Variants in XNDC1N observed in about 807,000 individuals in gnomAD.
XNDC1N encodes XRCC1 N-terminal domain containing 1, N-terminal like, also known as protein XNDC1N.
At chr11:71,895,505 T>C in the XNDC1N span, among the ~76,000 whole-genome samples, 1 of 144,632 alleles carries the variant, frequency 6.9e-6, no homozygotes, top group Middle Eastern at 3.5e-3. Flanking sequence ...TTTTGTATTG[T>C]TAATAGAGAC....
At chr11:71,879,704 C>A in the XNDC1N span, among the ~76,000 whole-genome samples, 4 of 152,006 alleles carry the variant, frequency 2.6e-5, no homozygotes, top group Non-Finnish European at 4.4e-5. Context: ...CACCCCTCAC[C>A]ATTATCTAAT....
chr11:71,899,541 T>A, the XNDC1N span, among the ~76,000 whole-genome samples: 8 of 152,310 alleles, frequency 5.3e-5, no homozygotes, highest in African/African-American at 1.9e-4. Flanking sequence ...CAAAAACATG[T>A]GTTGTATGAA....
At chr11:71,918,430 C>T in the XNDC1N span, among the ~76,000 whole-genome samples, 13 of 151,878 alleles carry the variant, frequency 8.6e-5, no homozygotes, top group South Asian at 2.1e-4. Context: ...TACAGGTGTG[C>T]GCCACCACAC....
the XNDC1N span, among the ~76,000 whole-genome samples, chr11:71,919,502 C>T: frequency 6.6e-6 from 1 of 152,028 alleles, no homozygotes; most frequent in East Asian, 1.9e-4. Context: ...AATTCTCTGC[C>T]TCAGCCTCCT....
the XNDC1N span, among the ~76,000 whole-genome samples, chr11:71,913,240 CAG>C: frequency 1.3e-5 from 2 of 152,020 alleles, no homozygotes; most frequent in East Asian, 3.9e-4. Context: ...AAGAGTATCA[CAG>C]GGGTGTGGAA....
At chr11:71,901,900 C>G in the XNDC1N span, among the ~76,000 whole-genome samples, 246 of 150,500 alleles carry the variant, frequency 1.6e-3, 1 homozygote, top group African/African-American at 5.8e-3. Context: ...AGATATATTC[C>G]TTAAGATTTT....
chr11:71,918,264 G>A, the XNDC1N span, among the ~76,000 whole-genome samples: 1 of 152,150 alleles, frequency 6.6e-6, no homozygotes, highest in South Asian at 2.1e-4. Context: ...ACAGGTGTAT[G>A]CAGGTTCTAT....
the XNDC1N span, among the ~76,000 whole-genome samples, chr11:71,927,077 C>G: frequency 2.6e-5 from 4 of 151,106 alleles, 1 homozygote; most frequent in Middle Eastern, 6.9e-3. Flanking sequence ...GGGACCCCAT[C>G]TCCACAAAAT....
At chr11:71,879,576 C>T in the XNDC1N span, among the ~76,000 whole-genome samples, 1 of 151,886 alleles carries the variant, frequency 6.6e-6, no homozygotes, top group Non-Finnish European at 1.5e-5. Flanking sequence ...ATAATTATGC[C>T]TTTCCCCCAT....
At chr11:71,874,711 G>A in the XNDC1N span, among the ~76,000 whole-genome samples, 1 of 152,068 alleles carries the variant, frequency 6.6e-6, no homozygotes, top group South Asian at 2.1e-4. Context: ...GCTATGAAGA[G>A]AATCTATCTA....
chr11:71,887,348 C>T, the XNDC1N span, among the ~76,000 whole-genome samples: 30 of 152,248 alleles, frequency 2.0e-4, no homozygotes, highest in East Asian at 4.6e-3. Flanking sequence ...TTGACCTTTT[C>T]GGGAAGGGAC....
At chr11:71,899,801 G>A in the XNDC1N span, among the ~76,000 whole-genome samples, 5 of 152,194 alleles carry the variant, frequency 3.3e-5, no homozygotes, top group African/African-American at 4.8e-5. Context: ...CCCGACACCC[G>A]TAAAGGGTCT....
chr11:71,916,272 CA>C, the XNDC1N span: 1 of 701,474 alleles, frequency 1.4e-6, no homozygotes, highest in Non-Finnish European at 2.6e-6. Flanking sequence ...AAAAGAGAAA[CA>C]AAATCAGGGG....
chr11:71,926,933 A>AAAATG, the XNDC1N span, among the ~76,000 whole-genome samples: 1 of 151,870 alleles, frequency 6.6e-6, no homozygotes, highest in Non-Finnish European at 1.5e-5. Flanking sequence ...AAAATAAAAT[A>AAAATG]AAATAAAATA....
the XNDC1N span, chr11:71,916,669 C>T: frequency 2.0e-4 from 35 of 176,630 alleles, no homozygotes; most frequent in African/African-American, 8.2e-4. Context: ...TACATGCTCA[C>T]GGTATCACAT....
At chr11:71,903,220 T>G in the XNDC1N span, 1 of 816,176 alleles carries the variant, frequency 1.2e-6, no homozygotes, top group Non-Finnish European at 2.2e-6. Flanking sequence ...CAGATGTCTC[T>G]ATATTCCTTC....
At chr11:71,865,776 T>C in the XNDC1N span, 1 of 412,124 alleles carries the variant, frequency 2.4e-6, no homozygotes, top group East Asian at 7.5e-5. Context: ...GAACAGTTTT[T>C]TTTTTTTGCT....
the XNDC1N span, among the ~76,000 whole-genome samples, chr11:71,890,664 A>C: frequency 6.6e-6 from 1 of 152,034 alleles, no homozygotes; most frequent in African/African-American, 2.4e-5. Flanking sequence ...TATCAGAAAC[A>C]ATATCACAGG....
chr11:71,869,968 T>A, the XNDC1N span, among the ~76,000 whole-genome samples: 1 of 152,226 alleles, frequency 6.6e-6, no homozygotes, highest in African/African-American at 2.4e-5. Flanking sequence ...GAAAGAGGTT[T>A]AATTTGCTCA....
Sources: gnomAD v4.1 joint callset for allele counts (sites outside exome capture counted in the v4.1 genomes callset) on GRCh38, gnomAD v4.1.1 for gene constraint, MANE v1.5 for transcripts, NCBI Gene and HGNC (gene_info 2026-07-23, HGNC 2026-07-21) for gene names.